The following AGBL4 variants were observed in gnomAD, a reference collection of about 807,000 sequenced individuals.
The protein encoded by AGBL4 is AGBL carboxypeptidase 4.
Under a neutral mutation model 66.4 loss-of-function variants are expected in AGBL4, and 58 were observed. The observed-to-expected ratio is 0.87, with a 90% confidence interval of 0.71 to 1.09. The LOEUF (loss-of-function observed/expected upper bound fraction) is 1.09. Among genes scored for constraint, AGBL4 ranks in the 50% least tolerant of loss-of-function variants. The pLI is 0.00. For missense variants in AGBL4, 579 were observed against 631.0 expected (o/e 0.92, Z 0.88); for synonymous variants, 234 against 222.9 (o/e 1.05, Z -0.44).
chr1:48,673,518 G>A (rs1367520651), intron 6 of AGBL4, among the ~76,000 whole-genome samples: 1 of 152,140 alleles, frequency 6.6e-6, no homozygotes, highest in Non-Finnish European at 1.5e-5. Flanking sequence ...TATAAGCACC[G>A]AAAATGCTAC....
At chr1:49,116,199 T>C (rs1347748661) in intron 4 of AGBL4, among the ~76,000 whole-genome samples, 1 of 152,150 alleles carries the variant, frequency 6.6e-6, no homozygotes, top group Non-Finnish European at 1.5e-5. Flanking sequence ...CAGAGTTTAA[T>C]TGGCAACATT....
At chr1:49,621,761 A>C (rs563278078) in intron 3 of AGBL4, among the ~76,000 whole-genome samples, 1 of 152,124 alleles carries the variant, frequency 6.6e-6, no homozygotes, top group Admixed American at 6.5e-5. Flanking sequence ...CCTTTCCTAC[A>C]TGTCAGGGCA....
At chr1:49,307,114 C>T (rs1644861572) in intron 3 of AGBL4, among the ~76,000 whole-genome samples, 1 of 152,124 alleles carries the variant, frequency 6.6e-6, no homozygotes, top group South Asian at 2.1e-4. Flanking sequence ...AAGTGAATTT[C>T]CTATACTCTT....
At chr1:49,239,581 C>T (rs191548906) in intron 4 of AGBL4, among the ~76,000 whole-genome samples, 5 of 151,850 alleles carry the variant, frequency 3.3e-5, no homozygotes, top group African/African-American at 1.2e-4. Context: ...ATGAAAAGAT[C>T]AACATACAAA....
chr1:49,792,900 A>G (rs1644636324), intron 2 of AGBL4, among the ~76,000 whole-genome samples: 1 of 152,050 alleles, frequency 6.6e-6, no homozygotes, highest in Non-Finnish European at 1.5e-5. Context: ...ATGTGGGTAA[A>G]TCTTTCTAGA....
intron 5 of AGBL4, among the ~76,000 whole-genome samples, chr1:48,957,669 C>G (rs1657597908): frequency 6.6e-6 from 1 of 152,166 alleles, no homozygotes. Flanking sequence ...ACTCCCCAGC[C>G]CCTAAAAAAC....
At chr1:49,084,001 C>G (rs1191039975) in intron 4 of AGBL4, among the ~76,000 whole-genome samples, 1 of 152,218 alleles carries the variant, frequency 6.6e-6, no homozygotes, top group Non-Finnish European at 1.5e-5. Context: ...ACAAGAGTCA[C>G]CTTTGCTCCA....
intron 1 of AGBL4, among the ~76,000 whole-genome samples, chr1:49,969,173 G>A (rs1368359077): frequency 1.3e-5 from 2 of 152,086 alleles, no homozygotes; most frequent in African/African-American, 4.8e-5. Flanking sequence ...AATAAGAACA[G>A]TATTTCTTTT....
intron 3 of AGBL4, among the ~76,000 whole-genome samples, chr1:49,560,099 A>G (rs1025354154): frequency 7.2e-5 from 11 of 152,168 alleles, no homozygotes; most frequent in Non-Finnish European, 1.5e-4. Flanking sequence ...CATCAGCACC[A>G]TTGAGAAAAA....
intron 5 of AGBL4, among the ~76,000 whole-genome samples, chr1:48,943,815 G>T (rs140069821): frequency 6.6e-6 from 1 of 152,268 alleles, no homozygotes; most frequent in Non-Finnish European, 1.5e-5. Context: ...TGGTGCCTGT[G>T]TTGATGGTGG....
chr1:48,747,469 A>G (rs1412804599), intron 6 of AGBL4, among the ~76,000 whole-genome samples: 4 of 152,250 alleles, frequency 2.6e-5, no homozygotes, highest in Non-Finnish European at 5.9e-5. Flanking sequence ...TGCAAGAGGC[A>G]CTGGGGACCC....
At chr1:49,291,396 T>C (rs1423132448) in intron 3 of AGBL4, among the ~76,000 whole-genome samples, 2 of 152,196 alleles carry the variant, frequency 1.3e-5, no homozygotes, top group Non-Finnish European at 2.9e-5. Context: ...TCCAATGTTT[T>C]TCATGAGCAT....
At chr1:49,516,809 G>C (rs985301820) in intron 3 of AGBL4, among the ~76,000 whole-genome samples, 2 of 152,066 alleles carry the variant, frequency 1.3e-5, no homozygotes, top group South Asian at 4.1e-4. Flanking sequence ...GAGAGGAAAA[G>C]TAATATCCTT....
intron 5 of AGBL4, among the ~76,000 whole-genome samples, chr1:48,885,791 C>A (rs1244416214): frequency 6.6e-6 from 1 of 152,146 alleles, no homozygotes; most frequent in Non-Finnish European, 1.5e-5. Context: ...GGCCCACTGG[C>A]TGCTGGTTAT....
At chr1:48,779,801 C>T (rs1645248515) in intron 6 of AGBL4, among the ~76,000 whole-genome samples, 1 of 150,996 alleles carries the variant, frequency 6.6e-6, no homozygotes, top group African/African-American at 2.4e-5. Context: ...GCCACTTCCA[C>T]CTCCCAGGTT....
At chr1:48,657,164 C>G (rs1316661831) in intron 7 of AGBL4, among the ~76,000 whole-genome samples, 1 of 152,188 alleles carries the variant, frequency 6.6e-6, no homozygotes, top group African/African-American at 2.4e-5. Context: ...TGGCCTTAAC[C>G]TCCCAGTTCC....
chr1:49,069,863 A>T (rs192671783), intron 4 of AGBL4, among the ~76,000 whole-genome samples: 159 of 152,100 alleles, frequency 1.0e-3, no homozygotes, highest in Non-Finnish European at 8.1e-4. Context: ...TCTATACATA[A>T]GCATGGAATG....
At chr1:49,899,381 A>G (rs1199884276) in intron 1 of AGBL4, among the ~76,000 whole-genome samples, 1 of 152,182 alleles carries the variant, frequency 6.6e-6, no homozygotes, top group Non-Finnish European at 1.5e-5. Context: ...CTAAATGAGT[A>G]TAACTGAATT....
At chr1:49,651,303 C>G (rs1332104244) in intron 3 of AGBL4, among the ~76,000 whole-genome samples, 4 of 152,056 alleles carry the variant, frequency 2.6e-5, no homozygotes, top group Non-Finnish European at 5.9e-5. Context: ...CAGCACATCC[C>G]AACACAAATT....
Sources: gnomAD v4.1 joint callset for allele counts (sites outside exome capture counted in the v4.1 genomes callset) on GRCh38, gnomAD v4.1.1 for gene constraint, MANE v1.5 for transcripts, NCBI Gene and HGNC (gene_info 2026-07-23, HGNC 2026-07-21) for gene names.